UHRF1: variants seen among roughly 807,000 people sequenced by gnomAD.
UHRF1 encodes the protein E3 ubiquitin-protein ligase UHRF1.
In UHRF1, 9 loss-of-function variants were observed where a neutral mutation model predicts 96.5. The ratio of observed to expected loss-of-function variants is 0.09; its 90% CI spans 0.06 to 0.16. UHRF1 has a LOEUF of 0.16. Among genes scored for constraint, UHRF1 ranks in the 10% least tolerant of loss-of-function variants. The pLI is 1.00. For missense variants in UHRF1, 626 were observed against 1,131.1 expected, an observed-to-expected ratio of 0.55 and a Z score of 6.40; for synonymous variants, 455 against 469.9, an observed-to-expected ratio of 0.97 and a Z score of 0.41.
At chr19:4,955,261 GCTGGGCCCTC>G (rs551600328) in intron 15 of UHRF1, among the ~76,000 whole-genome samples, 35 of 152,286 alleles carry the variant, frequency 2.3e-4, no homozygotes, top group Non-Finnish European at 4.1e-4. Context: ...CAGGGATAGG[GCTGGGCCCTC>G]CTGGGGGCTC....
chr19:4,954,516 C>T lies in UHRF1; in HGVS notation c.1957+28C>T, dbSNP rs368093115. 26 of 1,594,608 alleles carry T rather than the reference C, an allele frequency of 1.6e-5. No homozygotes were observed. The highest frequency in any genetic ancestry group is 1.7e-4 in the Middle Eastern group (1 of 5,934). ...GAGAATCTCGTGGGTGTGGGGTGAGCGTCTTGTGTGTGGGGGAGCAGGTGG... is the reference window on the plus strand; with the variant it reads ...GAGAATCTCGTGGGTGTGGGGTGAGTGTCTTGTGTGTGGGGGAGCAGGTGG... On this transcript the variant is annotated intron_variant, in intron 14 of 16. Transcript: ENST00000650932. The surrounding 1 kb of genome is among the most constrained non-coding windows in gnomAD (Gnocchi z 5.9).
chr19:4,961,077 A>G lies in UHRF1; in HGVS notation c.*274A>G, dbSNP rs1272094988. The G allele has an allele frequency of 8.5e-6, 1 of 117,020 alleles. No individual in the cohort carries two copies. The highest frequency in any genetic ancestry group is 1.5e-5 in the Non-Finnish European group (1 of 65,380). The allele number at this position is 117,020 out of a possible 1,614,324, so 7.2% of individuals were successfully genotyped here. A position where few individuals can be genotyped will look rare whatever the true frequency, so the allele number is the denominator to read the frequency against. On this transcript the variant is annotated 3_prime_UTR_variant, in exon 17 of 17. Coordinates refer to ENST00000650932, the MANE Select transcript of UHRF1 (RefSeq NM_001048201.3). ...CAATTTCTCGACAAAACAACACAAGATTTTTTAAAGATGGAATCAGAAACT... is the reference window on the plus strand; with the variant it reads ...CAATTTCTCGACAAAACAACACAAGGTTTTTTAAAGATGGAATCAGAAACT...
Position 4,924,497 on chromosome 19 carries a change from T to A in UHRF1, c.154-4725T>A, listed in dbSNP as rs189065813. 4.9e-3 allele frequency among the ~76,000 whole-genome samples: 750 copies of A among 152,314 alleles called. 4 individuals carry two copies. The highest frequency in any genetic ancestry group is 0.013 in the Admixed American group (196 of 15,290). On this transcript the variant is annotated intron_variant, in intron 2 of 16. Transcript: ENST00000650932. ...CGGGGTTTGGCAATGTTGCCCAGGCTGGTCTCGAACTCCTGGCCTCAAGTG... is the reference window on the plus strand; with the variant it reads ...CGGGGTTTGGCAATGTTGCCCAGGCAGGTCTCGAACTCCTGGCCTCAAGTG...
chr19:4,947,060 T>C (rs762666509), intron 10 of UHRF1, 45 bp from the exon 11 acceptor site: 2 of 1,472,638 alleles, frequency 1.4e-6, no homozygotes, highest in Non-Finnish European at 1.9e-6. Context: ...CTTTTTTTTT[T>C]TTTGCCTCTG....
At chr19:4,950,464 G>A (rs1390344040) in intron 11 of UHRF1, 147 bp from the exon 12 acceptor site, 7 of 813,644 alleles carry the variant, frequency 8.6e-6, no homozygotes, top group East Asian at 6.2e-5. Context: ...GGCTGGTCTC[G>A]AACTCCTGAC....
intron 11 of UHRF1, among the ~76,000 whole-genome samples, chr19:4,948,340 A>G (rs17886900): frequency 2.6e-5 from 4 of 152,312 alleles, no homozygotes; most frequent in South Asian, 2.1e-4. Flanking sequence ...CATAAAAACC[A>G]TCATAAAGCC....
In UHRF1 at chr19:4,954,476, C is replaced by A. The variant is rs749942545; in HGVS notation, c.1945C>A (p.Arg649=). The A allele has an allele frequency of 4.4e-6, 7 of 1,608,604 alleles. 1 individual carries two copies. In the South Asian group the frequency reaches 7.7e-5, roughly 18 times the overall value. ...SPRTGKGKWK[R]KSAGGGPSRA... is the part of the protein sequence containing the mutation. The stretch of plus-strand genomic sequence containing the variant: ...CAGGACGGGCAAGGGCAAGTGGAAG[C>A]GGAAGTCGGCAGGTGAGAATCTCGT... The change falls in exon 14 of 17, where the codon CGG becomes AGG. Residue 649 remains arginine, a synonymous_variant. Coordinates refer to ENST00000650932, the MANE Select transcript of UHRF1 (RefSeq NM_001048201.3). The surrounding 1 kb of genome is among the most constrained non-coding windows in gnomAD (Gnocchi z 5.9).
At chr19:4,953,482 G>C (rs118016019) in intron 13 of UHRF1, among the ~76,000 whole-genome samples, 1,587 of 152,048 alleles carry the variant, frequency 0.01, 13 homozygotes, top group South Asian at 0.016. Flanking sequence ...TTTTATTTTT[G>C]AGACCAGGTC....
intron 16 of UHRF1, 74 bp downstream of exon 16, chr19:4,956,887 T>C: frequency 9.6e-7 from 1 of 1,039,664 alleles, no homozygotes; most frequent in Non-Finnish European, 1.5e-6. Flanking sequence ...CCCACATGCC[T>C]GCCACTACAG....
At chr19:4,941,721 C>A in intron 6 of UHRF1, 24 bp from the exon 7 acceptor site, 1 of 1,552,290 alleles carries the variant, frequency 6.4e-7, no homozygotes, top group African/African-American at 1.4e-5. Flanking sequence ...CCCGCCGGAG[C>A]TGACCCTGCC....
chr19:4,916,014 G>A (rs1302717325), intron 2 of UHRF1, among the ~76,000 whole-genome samples: 1 of 152,104 alleles, frequency 6.6e-6, no homozygotes, highest in Non-Finnish European at 1.5e-5. Flanking sequence ...GGCTGTTAGT[G>A]TGTTAGAAGT....
chr19:4,960,665 G>A lies in UHRF1; in HGVS notation c.2244G>A (p.Leu748=), dbSNP rs901129813. The change falls in exon 17 of 17, where the codon CTG becomes CTA. Residue 748 remains leucine, a synonymous_variant. Coordinates refer to ENST00000650932, the MANE Select transcript of UHRF1 (RefSeq NM_001048201.3). ...CCTGCTGTGTCTTACAGGACTGCCT[G>A]GACAGATCCTTTCGGGCACAGGTGT... ...VCQHNVCKDC[L]DRSFRAQVFS... is the part of the protein sequence containing the mutation. 7 of 1,612,310 alleles carry A rather than the reference G, an allele frequency of 4.3e-6. No homozygotes were observed. The highest frequency in any genetic ancestry group is 1.3e-5 in the African/African-American group (1 of 74,892).
At chr19:4,911,771 A>G (rs1422375024) in intron 2 of UHRF1, among the ~76,000 whole-genome samples, 2 of 151,786 alleles carry the variant, frequency 1.3e-5, no homozygotes, top group Non-Finnish European at 2.9e-5. Flanking sequence ...TTTGTGGGGG[A>G]CTGTGGGACC....
intron 2 of UHRF1, among the ~76,000 whole-genome samples, chr19:4,912,777 A>G (rs192078709): frequency 8.3e-4 from 126 of 151,988 alleles, no homozygotes; most frequent in Non-Finnish European, 1.6e-3. Flanking sequence ...TGTTGTTCCT[A>G]TTTGAGACAG....
At chr19:4,926,980 G>A (rs1392910141) in intron 2 of UHRF1, among the ~76,000 whole-genome samples, 9 of 152,012 alleles carry the variant, frequency 5.9e-5, no homozygotes, top group African/African-American at 1.9e-4. Context: ...GGAGAATGGC[G>A]AACCTGGGAG....
Position 4,920,312 on chromosome 19 carries a change from C to G in UHRF1, c.154-8910C>G, listed in dbSNP as rs116225840. On this transcript the variant is annotated intron_variant, in intron 2 of 16. Transcript: ENST00000650932. ...CTGGGTATGCTGGCATGTGCCTGTACTCTCAGCCATTCGGGAGGCTGAGGC... is the reference window on the plus strand; with the variant it reads ...CTGGGTATGCTGGCATGTGCCTGTAGTCTCAGCCATTCGGGAGGCTGAGGC... 1.1e-3 allele frequency among the ~76,000 whole-genome samples: 171 copies of G among 152,048 alleles called. 1 individual carries two copies. Among genetic ancestry groups the G allele is most frequent in the African/African-American group, 4.0e-3 (166 of 41,516 alleles).
rs926346319 is a variant in UHRF1 at position 4,937,247 on chromosome 19, C to T, written c.786-4281C>T. Among the ~76,000 whole-genome samples, 12 of 149,504 alleles carry T rather than the reference C, an allele frequency of 8.0e-5. No individual in the cohort carries two copies. The East Asian group carries it at 2.1e-3, about 27-fold the overall frequency. On this transcript the variant is annotated intron_variant, in intron 5 of 16. Transcript: ENST00000650932. ...TTGAAGTTACCGCATATCAGTAGCT[C>T]ATTCCTTTTCATCCCTGAGTAGTAT...
Position 4,961,592 on chromosome 19 carries a change from C to T in UHRF1, c.*789C>T, listed in dbSNP as rs1290668351. ...TGCAAGTGCCTTTGATTCGTTCCTT[C>T]TTTCTAAAGACGACAGTCTTTGTTG... On this transcript the variant is annotated 3_prime_UTR_variant, in exon 17 of 17. Transcript: ENST00000650932. The T allele has an allele frequency of 6.6e-6, 1 of 152,192 alleles. No individual in the cohort carries two copies. The highest frequency in any genetic ancestry group is 1.5e-5 in the Non-Finnish European group (1 of 67,954). 9.4% of individuals were successfully genotyped at this position (152,192 alleles called of 1,614,324 possible).
intron 2 of UHRF1, among the ~76,000 whole-genome samples, chr19:4,924,236 G>T (rs555537669): frequency 6.6e-6 from 1 of 152,202 alleles, no homozygotes; most frequent in Admixed American, 6.5e-5. Context: ...GGCAAGCTCC[G>T]CCCCCCGGGT....
Sources: allele counts gnomAD v4.1 joint callset (sites outside exome capture counted in the v4.1 genomes callset), GRCh38; gene constraint gnomAD v4.1.1; non-coding constraint Gnocchi (gnomAD v3.1); transcripts MANE v1.5; gene names NCBI Gene and HGNC (gene_info 2026-07-23, HGNC 2026-07-21).